The following RIMS2 variants were observed in gnomAD, a reference collection of about 807,000 sequenced individuals.
The protein encoded by RIMS2 is regulating synaptic membrane exocytosis 2, also known as regulating synaptic membrane exocytosis protein 2.
A neutral mutation model predicts 174.4 loss-of-function variants in RIMS2; 59 were observed. The ratio of observed to expected loss-of-function variants is 0.34; its 90% CI spans 0.27 to 0.42. The LOEUF (loss-of-function observed/expected upper bound fraction) is 0.42, where lower values mean the gene tolerates loss of function less well. RIMS2 is among the 10% of genes least tolerant of loss of function. The pLI is 1.00. For synonymous variants in RIMS2, 606 were observed against 572.5 expected (o/e 1.06, Z -0.84); for missense variants, 1,620 against 1,666.3 (o/e 0.97, Z 0.48).
At chr8:103,546,885 G>A (rs1845369760) in intron 1 of RIMS2, among the ~76,000 whole-genome samples, 1 of 152,088 alleles carries the variant, frequency 6.6e-6, no homozygotes, top group South Asian at 2.1e-4. Context: ...GTGCCTTTAG[G>A]AAATGTTTTC....
At chr8:103,688,532 A>C (rs2096970720) in intron 1 of RIMS2, among the ~76,000 whole-genome samples, 1 of 152,064 alleles carries the variant, frequency 6.6e-6, no homozygotes, top group Non-Finnish European at 1.5e-5. Context: ...TTGGTTTTGC[A>C]TCTATGTTCA....
chr8:103,585,099 C>T (rs2093835104), intron 1 of RIMS2, among the ~76,000 whole-genome samples: 1 of 152,090 alleles, frequency 6.6e-6, no homozygotes, highest in African/African-American at 2.4e-5. Context: ...ACAGACATTT[C>T]TCAAAAGAAG....
At chr8:104,009,846 C>G (rs2095700315) in intron 17 of RIMS2, among the ~76,000 whole-genome samples, 4 of 152,070 alleles carry the variant, frequency 2.6e-5, no homozygotes, top group Admixed American at 2.6e-4. Flanking sequence ...TTAATACAGA[C>G]TAGGTCCTGA....
At chr8:103,976,330 A>G (rs2093419747) in intron 16 of RIMS2, 1 of 152,176 alleles carries the variant, frequency 6.6e-6, no homozygotes, top group African/African-American at 2.4e-5. Context: ...TAGACAACCT[A>G]TATGTTATTT....
intron 4 of RIMS2, among the ~76,000 whole-genome samples, chr8:103,908,345 CTT>C (rs1204175173): frequency 6.6e-6 from 1 of 152,126 alleles, no homozygotes; most frequent in East Asian, 1.9e-4. Flanking sequence ...CTGGCCAAAA[CTT>C]TAAGTTTTAT....
At position 104,175,204 on chromosome 8, in the gene RIMS2, T is replaced by A. The variant is rs181697231; in HGVS notation, c.3335-69712T>A. 2.2e-4 allele frequency among the ~76,000 whole-genome samples: 34 copies of A among 152,316 alleles called. No homozygotes were observed. The East Asian group carries it at 5.4e-3, about 24-fold the overall frequency. On this transcript the variant is annotated intron_variant, in intron 19 of 23. Transcript: ENST00000504942. ...TATAATTGTTTTAGCATAAAAACTT[T>A]CCAACAAGTTTTTTTTTCAGAAATA...
intron 19 of RIMS2, among the ~76,000 whole-genome samples, chr8:104,160,463 A>T (rs1351003534): frequency 6.6e-6 from 1 of 152,178 alleles, no homozygotes; most frequent in Admixed American, 6.5e-5. Context: ...TATATGTCAA[A>T]TGTTTCTTAT....
chr8:104,249,918 T>C (rs1457596626), intron 22 of RIMS2, among the ~76,000 whole-genome samples: 3 of 152,218 alleles, frequency 2.0e-5, no homozygotes, highest in African/African-American at 7.2e-5. Flanking sequence ...TTTTGTGTTA[T>C]TCTTCAGTTT....
At chr8:104,094,590 A>T (rs1376404639) in intron 19 of RIMS2, 1 of 702,170 alleles carries the variant, frequency 1.4e-6, no homozygotes, top group Admixed American at 2.0e-5. Flanking sequence ...AGGGAAAGAG[A>T]TTGCCAAAAC....
At chr8:103,633,843 T>C (rs1165328522) in intron 1 of RIMS2, among the ~76,000 whole-genome samples, 1 of 152,258 alleles carries the variant, frequency 6.6e-6, no homozygotes, top group Non-Finnish European at 1.5e-5. Flanking sequence ...TAGTTTCTGA[T>C]GGTTGTTCCT....
chr8:104,138,442 C>T (rs2098539659), intron 19 of RIMS2, among the ~76,000 whole-genome samples: 3 of 151,986 alleles, frequency 2.0e-5, no homozygotes, highest in African/African-American at 4.8e-5. Context: ...GCATTCATCA[C>T]CTCTTTTTTC....
chr8:104,097,665 T>C (rs554696315), intron 19 of RIMS2, among the ~76,000 whole-genome samples: 1 of 152,144 alleles, frequency 6.6e-6, no homozygotes, highest in Admixed American at 6.5e-5. Context: ...ATGTTGTGTT[T>C]TGATTTAAAG....
intron 3 of RIMS2, among the ~76,000 whole-genome samples, chr8:103,828,145 T>G (rs143695777): frequency 1.3e-3 from 195 of 152,308 alleles, no homozygotes; most frequent in African/African-American, 4.5e-3. Context: ...TGAGAGATTT[T>G]AGTTTTCTTA....
chr8:103,575,679 C>CATATATATATATAT lies in RIMS2; in HGVS notation c.176+74618_176+74619insTATATATATATATA, dbSNP rs112166531. On this transcript the variant is annotated intron_variant, in intron 1 of 23. Coordinates refer to ENST00000504942, the Ensembl canonical transcript of RIMS2. ...ATATATAAACACACACATACACACACACACACATATATATATATATACACA... is the reference window on the plus strand; with the variant it reads ...ATATATAAACACACACATACACACACATATATATATATATACACACATATATATATATATACACA... Among the ~76,000 whole-genome samples, 164 of 141,004 alleles carry CATATATATATATAT rather than the reference C, an allele frequency of 1.2e-3. 1 individual carries two copies. In the East Asian group the frequency reaches 0.023, roughly 20 times the overall value. The allele number at this position is 141,004 out of a possible 152,430, so 92.5% of individuals were successfully genotyped here. A position where few individuals can be genotyped will look rare whatever the true frequency, so the allele number is the denominator to read the frequency against.
chr8:103,721,389 C>G (rs1564403741), intron 2 of RIMS2, among the ~76,000 whole-genome samples: 2 of 152,018 alleles, frequency 1.3e-5, no homozygotes, highest in Non-Finnish European at 2.9e-5. Flanking sequence ...GATTAAAAAT[C>G]CATGCTGTGA....
rs566325518 is a variant in RIMS2, at chr8:103,619,799, C to T, written c.177-77287C>T. On this transcript the variant is annotated intron_variant, in intron 1 of 23. Transcript: ENST00000504942. ...TGCACACAGGATTCTCCCTTTAATC[C>T]GCATTTTGGCTACTCTACTTTTATA... is the stretch of plus-strand genomic sequence containing the variant. Among the ~76,000 whole-genome samples, 12 of 151,278 alleles carry T rather than the reference C, an allele frequency of 7.9e-5. No homozygotes were observed. In the South Asian group the frequency reaches 1.5e-3, roughly 19 times the overall value.
intron 1 of RIMS2, among the ~76,000 whole-genome samples, chr8:103,650,442 T>C (rs1401535103): frequency 6.6e-6 from 1 of 152,160 alleles, no homozygotes; most frequent in Non-Finnish European, 1.5e-5. Flanking sequence ...CAGGTGGCCC[T>C]TTGGTAGAGC....
intron 4 of RIMS2, among the ~76,000 whole-genome samples, chr8:103,893,490 G>A (rs1366264885): frequency 2.0e-5 from 3 of 152,068 alleles, no homozygotes; most frequent in African/African-American, 7.2e-5. Flanking sequence ...TTATTAGGAA[G>A]TGTCACTTGA....
At chr8:103,678,304 C>A (rs1014792820) in intron 1 of RIMS2, among the ~76,000 whole-genome samples, 9 of 152,036 alleles carry the variant, frequency 5.9e-5, no homozygotes, top group African/African-American at 2.2e-4. Flanking sequence ...TGACTATGAG[C>A]CATGTATTAT....
Sources: allele counts gnomAD v4.1 joint callset (sites outside exome capture counted in the v4.1 genomes callset), GRCh38; gene constraint gnomAD v4.1.1; transcripts MANE v1.5; gene names NCBI Gene and HGNC (gene_info 2026-07-23, HGNC 2026-07-21).